The following HTT variants were observed in gnomAD, a reference collection of about 807,000 sequenced individuals.
HTT encodes the protein huntington disease protein.
HTT carries 104 observed loss-of-function variants against 362.3 expected under a neutral mutation model. That is an observed-to-expected ratio of 0.29 (90% CI 0.24 to 0.34). The LOEUF is 0.34. Ranked by LOEUF, HTT falls within the 10% of genes least tolerant of loss-of-function variation. The pLI is 1.00. For synonymous variants in HTT, 1,577 were observed against 1,548.7 expected (o/e 1.02, Z -0.43); for missense variants, 3,301 against 3,928.6 (o/e 0.84, Z 4.27).
At chr4:3,102,974 G>C (rs993062961) in intron 3 of HTT, among the ~76,000 whole-genome samples, 1 of 152,118 alleles carries the variant, frequency 6.6e-6, no homozygotes, top group Non-Finnish European at 1.5e-5. Context: ...CAGGGACCAC[G>C]GGCATACCTG....
chr4:3,155,897 CAAAAAA>C (rs544532624), intron 27 of HTT, among the ~76,000 whole-genome samples: 9 of 84,608 alleles, frequency 1.1e-4, no homozygotes, highest in African/African-American at 2.4e-4. Context: ...GACTCCGTCT[CAAAAAA>C]AAAAAAAAAA....
At chr4:3,131,152 T>G (rs1226568345) in intron 14 of HTT, 134 bp from the exon 15 acceptor site, 1 of 679,220 alleles carries the variant, frequency 1.5e-6, no homozygotes, top group East Asian at 2.7e-5. Flanking sequence ...GGTGTGCATA[T>G]GGGCACAAAC....
chr4:3,170,437 C>T (rs1343672898), intron 29 of HTT, among the ~76,000 whole-genome samples: 1 of 152,138 alleles, frequency 6.6e-6, no homozygotes, highest in Non-Finnish European at 1.5e-5. Context: ...GACTTTCTAG[C>T]CCTGTGTGAG....
At chr4:3,232,870 C>CTCG (rs890983974) in intron 60 of HTT, among the ~76,000 whole-genome samples, 1 of 152,226 alleles carries the variant, frequency 6.6e-6, no homozygotes, top group African/African-American at 2.4e-5. Flanking sequence ...CTCTGCCTGC[C>CTCG]TCGTGCCCAG....
intron 26 of HTT, among the ~76,000 whole-genome samples, chr4:3,148,485 C>T (rs1716717096): frequency 1.3e-5 from 2 of 152,196 alleles, no homozygotes; most frequent in South Asian, 4.1e-4. Flanking sequence ...AACCCCCTCT[C>T]TACTAAAAAT....
intron 56 of HTT, among the ~76,000 whole-genome samples, chr4:3,225,200 C>T (rs377545379): frequency 5.9e-5 from 9 of 152,146 alleles, no homozygotes; most frequent in Non-Finnish European, 1.0e-4. Flanking sequence ...TGCTCCCGCT[C>T]CTGCCGGCTG....
At position 3,180,592 on chromosome 4, in the gene HTT, C is replaced by G. The variant is rs1560582506; in HGVS notation, c.4690C>G (p.Leu1564Val). 6.2e-6 allele frequency: 10 copies of G among 1,613,394 alleles called. No homozygotes were observed. The highest frequency in any genetic ancestry group is 8.5e-6 in the Non-Finnish European group (10 of 1,179,708). The change falls in exon 36 of 67, where the codon CTT becomes GTT. Residue 1564 changes from leucine to valine, a missense_variant. Transcript: ENST00000355072. ...AAATAAAGCTGATGCAGGAAAAGAG[C>G]TTGAAACCCAAAAAGAGGTGGTGGT... ...GTNKADAGKE[L>V]ETQKEVVVSM...
At chr4:3,104,140 C>T (rs1210622474) in intron 4 of HTT, among the ~76,000 whole-genome samples, 1 of 151,958 alleles carries the variant, frequency 6.6e-6, no homozygotes, top group Non-Finnish European at 1.5e-5. Context: ...TGCTTTCACC[C>T]ATGCTAGAGT....
intron 35 of HTT, among the ~76,000 whole-genome samples, chr4:3,178,859 T>C (rs1172214500): frequency 1.3e-5 from 2 of 152,220 alleles, no homozygotes; most frequent in Admixed American, 6.5e-5. Context: ...ATTGGAGATA[T>C]AGTTTGACTT....
chr4:3,212,367 T>G (rs1377624243), intron 48 of HTT, among the ~76,000 whole-genome samples, 197 bp from the exon 49 acceptor site: 1 of 152,350 alleles, frequency 6.6e-6, no homozygotes, highest in East Asian at 1.9e-4. Flanking sequence ...TCTAAGCCCT[T>G]GAGGAAGGCT....
chr4:3,113,766 G>C (rs1714879477), intron 6 of HTT, among the ~76,000 whole-genome samples: 1 of 152,050 alleles, frequency 6.6e-6, no homozygotes, highest in Non-Finnish European at 1.5e-5. Flanking sequence ...CTGTGGCTGG[G>C]GGGTGGGGTA....
chr4:3,111,208 T>C (rs1430746629), intron 6 of HTT, among the ~76,000 whole-genome samples: 1 of 151,186 alleles, frequency 6.6e-6, no homozygotes, highest in African/African-American at 2.4e-5. Flanking sequence ...TTTTTTTTTT[T>C]TTTGAGATGG....
At chr4:3,122,431 C>T (rs1216150848) in intron 9 of HTT, among the ~76,000 whole-genome samples, 6 of 152,258 alleles carry the variant, frequency 3.9e-5, no homozygotes, top group Non-Finnish European at 8.8e-5. Flanking sequence ...TGAAGTCTTA[C>T]TGCTGCCTCG....
intron 53 of HTT, among the ~76,000 whole-genome samples, chr4:3,222,169 C>T (rs2110287476): frequency 6.6e-6 from 1 of 152,364 alleles, no homozygotes; most frequent in Admixed American, 6.5e-5. Context: ...TCTCATGTGT[C>T]TCGGACAGTG....
chr4:3,087,594 C>G (rs1713275552), intron 2 of HTT, among the ~76,000 whole-genome samples: 2 of 152,228 alleles, frequency 1.3e-5, no homozygotes, highest in East Asian at 1.9e-4. Context: ...GACCGTTGTT[C>G]CTAGTAGCTG....
chr4:3,099,383 A>C lies in HTT; in HGVS notation c.457A>C (p.Lys153Gln), dbSNP rs1383361439. 3.7e-6 allele frequency: 6 copies of C among 1,613,876 alleles called. No individual in the cohort carries two copies. The highest frequency in any genetic ancestry group is 5.1e-6 in the Non-Finnish European group (6 of 1,179,832). ...GATGGTGGCTGACGAATGCCTCAACAAAGTTATCAAAGTAAGAACCGTGTG... is the reference window on the plus strand; with the variant it reads ...GATGGTGGCTGACGAATGCCTCAACCAAGTTATCAAAGTAAGAACCGTGTG... Reference protein sequence around the residue: ...VRMVADECLNKVIKALMDSNL... With the variant: ...VRMVADECLNQVIKALMDSNL... The change falls in exon 3 of 67, where the codon AAA becomes CAA. Residue 153 changes from lysine to glutamine, a missense_variant. Transcript: ENST00000355072.
In HTT at chr4:3,206,856, G is replaced by C. The variant is rs780100750; in HGVS notation, c.5948G>C (p.Ser1983Thr). Reference sequence around the variant, plus strand: ...CAGTGCTTGGAGGGGATCCATCTCAGCCAGTCGGGAGCTGTGCTCACGCTG... The same window carrying C: ...CAGTGCTTGGAGGGGATCCATCTCACCCAGTCGGGAGCTGTGCTCACGCTG... ...TLQCLEGIHL[S>T]QSGAVLTLYV... The change falls in exon 44 of 67, where the codon AGC becomes ACC. Residue 1983 changes from serine (S) to threonine (T), a missense_variant. Around this residue, in one of 4 missense-constraint regions of HTT, gnomAD observed 2,316 missense variants for 2,658.5 expected, o/e 0.87. Coordinates refer to ENST00000355072, the MANE Select transcript of HTT (RefSeq NM_001388492.1). This position sits in a 1 kb window ranked among gnomAD's most constrained non-coding sequence, Gnocchi z 4.6. The C allele has an allele frequency of 3.1e-6, 5 of 1,612,866 alleles. No individual in the cohort carries two copies. Among genetic ancestry groups the C allele is most frequent in the Non-Finnish European group, 4.2e-6 (5 of 1,179,032 alleles).
In HTT at chr4:3,172,951, A is replaced by G. The variant is rs1314969026; in HGVS notation, c.3986A>G (p.Asp1329Gly). The change falls in exon 31 of 67, where the codon GAT becomes GGT. Residue 1329 changes from aspartate (D) to glycine (G), a missense_variant. Transcript: ENST00000355072. The stretch of plus-strand genomic sequence containing the variant: ...GGCACAAACTTGGCCTCCCAGTTTG[A>G]TGGCTTATCTTCCAACCCCAGCAAG... ...LFGTNLASQFDGLSSNPSKSQ... is the reference protein window; with the variant it reads ...LFGTNLASQFGGLSSNPSKSQ... 1 of 1,614,148 alleles carries G rather than the reference A, an allele frequency of 6.2e-7. No homozygotes were observed. The highest frequency in any genetic ancestry group is 1.1e-5 in the South Asian group (1 of 91,090).
At chr4:3,163,906 T>C (rs1177369388) in intron 29 of HTT, among the ~76,000 whole-genome samples, 1 of 152,214 alleles carries the variant, frequency 6.6e-6, no homozygotes, top group East Asian at 1.9e-4. Context: ...GGAGGGTTTT[T>C]TTTCGTGTCT....
Sources: allele counts gnomAD v4.1 joint callset (sites outside exome capture counted in the v4.1 genomes callset), GRCh38; gene constraint gnomAD v4.1.1; regional missense constraint gnomAD v4.1.1; non-coding constraint Gnocchi (gnomAD v3.1); transcripts MANE v1.5; gene names NCBI Gene and HGNC (gene_info 2026-07-23, HGNC 2026-07-21).